The following RGPD4 variants were observed in gnomAD, a reference collection of about 807,000 sequenced individuals.
The protein encoded by RGPD4 is RANBP2 like and GRIP domain containing 4.
RGPD4 carries 84 observed loss-of-function variants against 141.1 expected under a neutral mutation model. The ratio of observed to expected loss-of-function variants is 0.60; its 90% confidence interval spans 0.50 to 0.71. RGPD4 has a LOEUF of 0.71. Ranked by LOEUF, RGPD4 falls within the 30% of genes least tolerant of loss-of-function variation. The probability of loss-of-function intolerance (pLI) is 0.00; values close to 1 mark genes in which losing one functional copy is unlikely to be tolerated. For synonymous variants in RGPD4, 298 were observed against 566.8 expected, an observed-to-expected ratio of 0.53 and a Z score of 6.74; for missense variants, 918 against 1,622.4, an observed-to-expected ratio of 0.57 and a Z score of 7.46.
chr2:107,854,070 T>G (rs1196379692), intron 7 of RGPD4, among the ~76,000 whole-genome samples: 2 of 147,746 alleles, frequency 1.4e-5, no homozygotes, highest in African/African-American at 5.1e-5. Flanking sequence ...TTTTTTTTTT[T>G]TTGCGATGGA....
chr2:107,861,619 T>A lies in RGPD4; in HGVS notation c.2084T>A (p.Ile695Asn). 1 of 1,610,586 alleles carries A rather than the reference T, an allele frequency of 6.2e-7. No individual in the cohort carries two copies. Among genetic ancestry groups the A allele is most frequent in the African/African-American group, 1.3e-5 (1 of 74,264 alleles). Reference protein sequence around the residue: ...ALIFHRKAEDIANDALSPEEQ... With the variant: ...ALIFHRKAEDNANDALSPEEQ... The stretch of plus-strand genomic sequence containing the variant: ...ATTTTTCACAGGAAGGCAGAAGACA[T>A]TGCAAATGATGCCCTTTCTCCTGAA... The change falls in exon 15 of 23, where the codon ATT becomes AAT. Residue 695 changes from isoleucine to asparagine, a missense_variant. Transcript: ENST00000408999.
chr2:107,878,240 A>G (rs556114158), intron 20 of RGPD4, among the ~76,000 whole-genome samples: 1 of 151,794 alleles, frequency 6.6e-6, no homozygotes, highest in South Asian at 2.1e-4. Flanking sequence ...GTAAGGCCGA[A>G]TCAATAGATT....
intron 6 of RGPD4, among the ~76,000 whole-genome samples, chr2:107,846,138 G>A (rs1428452528): frequency 2.6e-4 from 38 of 146,494 alleles, no homozygotes; most frequent in Non-Finnish European, 5.5e-4. Context: ...GTGTTAGCCA[G>A]GATGGTCTTG....
At position 107,828,586 on chromosome 2, in the gene RGPD4, G is replaced by A. The variant is rs1416447611; in HGVS notation, c.72+1501G>A. Among the ~76,000 whole-genome samples the A allele has an allele frequency of 6.6e-5, 8 of 120,302 alleles. No homozygotes were observed. The South Asian group carries it at 1.6e-3, about 24-fold the overall frequency. The allele number at this position is 120,302 out of a possible 152,430, so 78.9% of individuals were successfully genotyped here. A position where few individuals can be genotyped will look rare whatever the true frequency, so the allele number is the denominator to read the frequency against. On this transcript the variant is annotated intron_variant, in intron 1 of 22. Transcript: ENST00000408999. ...CCCTGGCGCGCTCTGTTGAGGCAGC[G>A]GCCTCGACCTGGCCGGGCGGCGGCG...
At chr2:107,864,984 GTC>G (rs1319314640) in intron 17 of RGPD4, among the ~76,000 whole-genome samples, 1 of 106,392 alleles carries the variant, frequency 9.4e-6, no homozygotes, top group Non-Finnish European at 1.9e-5. Flanking sequence ...CCTGTTAAGT[GTC>G]TGTTTTGTAA....
intron 1 of RGPD4, among the ~76,000 whole-genome samples, chr2:107,831,374 C>T (rs1434730914): frequency 2.8e-5 from 4 of 143,512 alleles, no homozygotes; most frequent in East Asian, 2.0e-4. Flanking sequence ...TGTTGCTCAT[C>T]AAATTTTTGG....
At chr2:107,847,824 CAAAAAAAAA>C (rs1263002672) in intron 6 of RGPD4, among the ~76,000 whole-genome samples, 4 of 53,158 alleles carry the variant, frequency 7.5e-5, no homozygotes, top group African/African-American at 3.3e-4. Flanking sequence ...GACTCCGTCT[CAAAAAAAAA>C]AAAAAAAAAA....
At chr2:107,858,380 C>A (rs1419355993) in intron 9 of RGPD4, among the ~76,000 whole-genome samples, 1 of 152,116 alleles carries the variant, frequency 6.6e-6, no homozygotes, top group Non-Finnish European at 1.5e-5. Context: ...CCTCTTCATG[C>A]TTCCAGAAGC....
In RGPD4 at chr2:107,883,336, A is replaced by C. The variant is rs1225441832; in HGVS notation, c.5266+463A>C. On this transcript the variant is annotated intron_variant, in intron 22 of 22. Transcript: ENST00000408999. ...CACTTTCTAGGCAAATGCAGTTTTA[A>C]AACTGTGCCATAGGCCAGGCGCTGG... is the stretch of plus-strand genomic sequence containing the variant. The C allele has an allele frequency of 5.9e-6, 2 of 337,368 alleles. 1 individual carries two copies. The highest frequency in any genetic ancestry group is 4.3e-5 in the African/African-American group (2 of 46,010). The allele number at this position is 337,368 out of a possible 1,614,324, so 20.9% of individuals were successfully genotyped here.
intron 1 of RGPD4, among the ~76,000 whole-genome samples, chr2:107,827,742 T>C: frequency 2.2e-5 from 1 of 45,026 alleles, no homozygotes; most frequent in Non-Finnish European, 4.3e-5. Flanking sequence ...GGCTCAGGCG[T>C]CATGGCTCCT....
At chr2:107,868,426 GT>G (rs1682806553) in intron 18 of RGPD4, among the ~76,000 whole-genome samples, 1 of 151,514 alleles carries the variant, frequency 6.6e-6, no homozygotes, top group Admixed American at 6.6e-5. Flanking sequence ...CAATTTTTAA[GT>G]TTTTTTAATA....
At chr2:107,886,071 G>T (rs1573536904) in intron 22 of RGPD4, among the ~76,000 whole-genome samples, 1 of 134,552 alleles carries the variant, frequency 7.4e-6, no homozygotes, top group Admixed American at 7.4e-5. Flanking sequence ...AAAAAAAAAA[G>T]TAAACTACAA....
chr2:107,867,345 G>C (rs1283642996), intron 18 of RGPD4, among the ~76,000 whole-genome samples: 1 of 152,074 alleles, frequency 6.6e-6, no homozygotes, highest in Non-Finnish European at 1.5e-5. Flanking sequence ...TTGTGTGATG[G>C]TCCATATAGT....
intron 18 of RGPD4, among the ~76,000 whole-genome samples, chr2:107,867,302 A>T (rs893149968): frequency 6.6e-6 from 1 of 152,108 alleles, no homozygotes; most frequent in African/African-American, 2.4e-5. Flanking sequence ...CCCAGGAAAG[A>T]TTTAGAATAA....
At chr2:107,845,287 G>A (rs1681884699) in intron 6 of RGPD4, among the ~76,000 whole-genome samples, 1 of 111,766 alleles carries the variant, frequency 8.9e-6, no homozygotes, top group Non-Finnish European at 1.7e-5. Flanking sequence ...CACCCAGCCT[G>A]GAGTACAGTG....
Position 107,856,762 on chromosome 2 carries a change from CA to C in RGPD4, c.1070del (p.His357ProfsTer4). On this transcript the variant is annotated frameshift_variant, in exon 9 of 23. Transcript: ENST00000408999. LOFTEE classifies it high-confidence loss of function. The part of the protein sequence containing the change: ...MACDRLSQSG[H>X]MLLNLSRGKQ... Reference sequence around the variant, plus strand: ...AATAACTTAAATTTTTTTTTCAGGGCACATGTTGCTAAACTTAAGTCGTGGC... The same window carrying C: ...AATAACTTAAATTTTTTTTTCAGGGCCATGTTGCTAAACTTAAGTCGTGGC... 3.9e-6 allele frequency: 2 copies of C among 517,246 alleles called. No individual in the cohort carries two copies. The highest frequency in any genetic ancestry group is 7.0e-6 in the Non-Finnish European group (2 of 285,866). 32.0% of individuals were successfully genotyped at this position (517,246 alleles called of 1,614,324 possible).
chr2:107,829,462 G>T lies in RGPD4; in HGVS notation c.72+2377G>T, dbSNP rs1385138960. On this transcript the variant is annotated intron_variant, in intron 1 of 22. Transcript: ENST00000408999. ...TGAGGCGGCGGCCTCTACCTGGCCCGGCGGCGGCCTCGATGGCTCAGGCGT... is the reference window on the plus strand; with the variant it reads ...TGAGGCGGCGGCCTCTACCTGGCCCTGCGGCGGCCTCGATGGCTCAGGCGT... 4.8e-5 allele frequency among the ~76,000 whole-genome samples: 3 copies of T among 62,910 alleles called. No individual in the cohort carries two copies. The East Asian group carries it at 1.0e-3, about 22-fold the overall frequency. 41.3% of individuals were successfully genotyped at this position (62,910 alleles called of 152,430 possible).
chr2:107,883,974 T>A (rs1272840819), intron 22 of RGPD4, among the ~76,000 whole-genome samples: 2 of 152,082 alleles, frequency 1.3e-5, no homozygotes, highest in African/African-American at 2.4e-5. Flanking sequence ...AATAATTCAA[T>A]GTTTATTGAA....
intron 20 of RGPD4, among the ~76,000 whole-genome samples, chr2:107,873,574 CAAAAAA>C (rs3053241): frequency 4.4e-4 from 55 of 125,422 alleles, no homozygotes; most frequent in African/African-American, 1.6e-3. Flanking sequence ...ACTTTGTCTC[CAAAAAA>C]AAAAAAAAAA....
Sources: gnomAD v4.1 joint callset for allele counts (sites outside exome capture counted in the v4.1 genomes callset) on GRCh38, gnomAD v4.1.1 for gene constraint, MANE v1.5 for transcripts, NCBI Gene and HGNC (gene_info 2026-07-23, HGNC 2026-07-21) for gene names.